CRIM1: variants seen among roughly 807,000 people sequenced by gnomAD.
The protein encoded by CRIM1 is cysteine-rich motor neuron 1 protein.
In CRIM1, 32 loss-of-function variants were observed where a neutral mutation model predicts 116.4. The ratio of observed to expected loss-of-function variants is 0.27; its 90% CI spans 0.21 to 0.37. The LOEUF (loss-of-function observed/expected upper bound fraction) is 0.37. CRIM1 is among the 10% of genes least tolerant of loss of function. The probability of loss-of-function intolerance (pLI) is 1.00; values close to 1 mark genes in which losing one functional copy is unlikely to be tolerated. For missense variants in CRIM1, 1,331 were observed against 1,354.8 expected, an observed-to-expected ratio of 0.98 and a Z score of 0.28; for synonymous variants, 590 against 509.2, an observed-to-expected ratio of 1.16 and a Z score of -2.13.
chr2:36,528,480 T>C (rs1225241475), intron 13 of CRIM1, among the ~76,000 whole-genome samples: 1 of 152,212 alleles, frequency 6.6e-6, no homozygotes, highest in African/African-American at 2.4e-5. Context: ...AAAATAGGGC[T>C]CATTTATTTT....
intron 1 of CRIM1, among the ~76,000 whole-genome samples, chr2:36,362,412 A>G (rs754285052): frequency 2.6e-5 from 4 of 152,132 alleles, no homozygotes; most frequent in African/African-American, 4.8e-5. Context: ...AGCCTGTGCA[A>G]TTGGTCTCAG....
intron 2 of CRIM1, among the ~76,000 whole-genome samples, chr2:36,435,787 T>C (rs575178019): frequency 1.3e-5 from 2 of 152,192 alleles, no homozygotes; most frequent in African/African-American, 4.8e-5. Flanking sequence ...GGTAAAATCA[T>C]TTTATATTGG....
intron 7 of CRIM1, among the ~76,000 whole-genome samples, chr2:36,491,107 C>T (rs1468572537): frequency 1.3e-5 from 2 of 152,148 alleles, no homozygotes; most frequent in African/African-American, 4.8e-5. Flanking sequence ...TTTTATTTGG[C>T]ATTATCAAGG....
chr2:36,539,335 T>C (rs1666779422), intron 14 of CRIM1, among the ~76,000 whole-genome samples: 1 of 152,126 alleles, frequency 6.6e-6, no homozygotes, highest in Non-Finnish European at 1.5e-5. Context: ...GGTAGAGCAG[T>C]GTTCAAGGTG....
Position 36,479,497 on chromosome 2 carries a change from A to G in CRIM1, c.1175A>G (p.Asp392Gly). 5 of 1,614,096 alleles carry G rather than the reference A, an allele frequency of 3.1e-6. No homozygotes were observed. The highest frequency in any genetic ancestry group is 3.4e-6 in the Non-Finnish European group (4 of 1,179,950). Residue 392 changes from aspartate (D) to glycine (G), a missense_variant and splice_region_variant, in exon 7 of 17, where the codon GAT (aspartate) becomes GGT (glycine). Coordinates refer to ENST00000280527, the MANE Select transcript of CRIM1 (RefSeq NM_016441.3). ...PEGECCPVCE[D>G]PVYPFNNPAG... ...ACTCTGAACTCATGTTCTCATTTAGATCCAGTGTATCCTTTTAATAATCCC... is the reference window on the plus strand; with the variant it reads ...ACTCTGAACTCATGTTCTCATTTAGGTCCAGTGTATCCTTTTAATAATCCC...
intron 8 of CRIM1, among the ~76,000 whole-genome samples, chr2:36,503,537 G>GCCCCCCTTTGTTCCCA (rs1681157254): frequency 8.7e-6 from 1 of 115,096 alleles, no homozygotes; most frequent in Non-Finnish European, 1.8e-5. Flanking sequence ...CAGCGTCCCC[G>GCCCCCCTTTGTTCCCA]CCCCCCTTTG....
intron 2 of CRIM1, among the ~76,000 whole-genome samples, chr2:36,424,025 G>A (rs896046968): frequency 7.9e-5 from 12 of 152,116 alleles, no homozygotes; most frequent in Admixed American, 7.2e-4. Context: ...AATAGTAGAA[G>A]GTGTCAGTAA....
At chr2:36,520,858 A>T (rs993297670) in intron 12 of CRIM1, among the ~76,000 whole-genome samples, 2 of 152,204 alleles carry the variant, frequency 1.3e-5, no homozygotes, top group African/African-American at 4.8e-5. Context: ...TACATGTCTC[A>T]GTTGTTTCTG....
chr2:36,486,705 A>C (rs1215465424), intron 7 of CRIM1, among the ~76,000 whole-genome samples: 1 of 152,126 alleles, frequency 6.6e-6, no homozygotes, highest in African/African-American at 2.4e-5. Flanking sequence ...TAATTTTCCT[A>C]CTAAGACAAT....
intron 5 of CRIM1, among the ~76,000 whole-genome samples, chr2:36,470,018 C>G (rs977867885): frequency 7.9e-5 from 12 of 152,132 alleles, no homozygotes; most frequent in African/African-American, 2.4e-4. Context: ...TATTTAATAC[C>G]GAGCCATTAA....
intron 1 of CRIM1, among the ~76,000 whole-genome samples, chr2:36,383,067 C>T (rs1172724926): frequency 6.6e-6 from 1 of 152,130 alleles, no homozygotes; most frequent in African/African-American, 2.4e-5. Flanking sequence ...ACTTCTTTTC[C>T]ACTCTAAATA....
chr2:36,402,354 A>G (rs12623633), intron 2 of CRIM1, among the ~76,000 whole-genome samples: 23,725 of 149,412 alleles, frequency 0.16, 2,236 homozygotes, highest in African/African-American at 0.27. Flanking sequence ...AGAATTCCAT[A>G]TGGACGGAAC....
chr2:36,367,502 C>G (rs1404740258), intron 1 of CRIM1, among the ~76,000 whole-genome samples: 1 of 152,148 alleles, frequency 6.6e-6, no homozygotes, highest in Non-Finnish European at 1.5e-5. Flanking sequence ...CTTAATTTGT[C>G]AAAAGGGAAT....
chr2:36,496,797 A>C (rs561578698), intron 7 of CRIM1, among the ~76,000 whole-genome samples: 15 of 152,232 alleles, frequency 9.9e-5, no homozygotes, highest in Non-Finnish European at 2.2e-4. Context: ...GGGGCTGCCC[A>C]AGTCAGCATT....
intron 2 of CRIM1, among the ~76,000 whole-genome samples, chr2:36,427,574 G>A (rs1674555951): frequency 6.6e-6 from 1 of 152,182 alleles, no homozygotes; most frequent in South Asian, 2.1e-4. Context: ...CTTTCATGTT[G>A]AGACACCCTG....
intron 7 of CRIM1, among the ~76,000 whole-genome samples, chr2:36,484,488 A>G (rs1679669895): frequency 6.6e-6 from 1 of 152,138 alleles, no homozygotes; most frequent in African/African-American, 2.4e-5. Context: ...GCTACATGAC[A>G]TCTATAACAT....
chr2:36,376,893 G>C (rs1009361623), intron 1 of CRIM1, among the ~76,000 whole-genome samples: 4 of 152,200 alleles, frequency 2.6e-5, no homozygotes, highest in Non-Finnish European at 4.4e-5. Context: ...TTGGGGGATG[G>C]AGTTGTGGGA....
intron 4 of CRIM1, among the ~76,000 whole-genome samples, chr2:36,462,778 G>C (rs1459774812): frequency 6.6e-6 from 1 of 152,180 alleles, no homozygotes; most frequent in Non-Finnish European, 1.5e-5. Flanking sequence ...AAGTTGTACA[G>C]AGTGCCAAGT....
intron 1 of CRIM1, among the ~76,000 whole-genome samples, chr2:36,380,893 A>T (rs1227694195): frequency 6.6e-6 from 1 of 152,210 alleles, no homozygotes; most frequent in Non-Finnish European, 1.5e-5. Context: ...TCTTATTTTA[A>T]AAGATATCTC....
Sources: allele counts gnomAD v4.1 joint callset (sites outside exome capture counted in the v4.1 genomes callset), GRCh38; gene constraint gnomAD v4.1.1; transcripts MANE v1.5; gene names NCBI Gene and HGNC (gene_info 2026-07-23, HGNC 2026-07-21).